The following PTPRT variants were observed in gnomAD, a reference collection of about 807,000 sequenced individuals.
PTPRT encodes protein tyrosine phosphatase receptor type T, also known as receptor-type tyrosine-protein phosphatase T.
A neutral mutation model predicts 176.8 loss-of-function variants in PTPRT; 56 were observed. That is an observed-to-expected ratio of 0.32 (90% confidence interval 0.26 to 0.40). The LOEUF is 0.40. Ranked by LOEUF, PTPRT falls within the 10% of genes least tolerant of loss-of-function variation. The pLI, the probability that PTPRT is intolerant of heterozygous loss-of-function variation, is 1.00. For synonymous variants in PTPRT, 783 were observed against 739.0 expected, an observed-to-expected ratio of 1.06 and a Z score of -0.96; for missense variants, 1,540 against 1,908.2, an observed-to-expected ratio of 0.81 and a Z score of 3.60.
chr20:42,686,753 A>C (rs994351626), intron 6 of PTPRT, among the ~76,000 whole-genome samples: 3 of 151,712 alleles, frequency 2.0e-5, no homozygotes, highest in African/African-American at 7.3e-5. Flanking sequence ...CAGTGTCCCA[A>C]AGTGCTGGGA....
intron 7 of PTPRT, among the ~76,000 whole-genome samples, chr20:42,520,401 G>A (rs977268919): frequency 4.6e-5 from 7 of 152,060 alleles, no homozygotes; most frequent in Non-Finnish European, 1.5e-5. Flanking sequence ...CCAGTATCAT[G>A]ACTTTTATAA....
intron 18 of PTPRT, among the ~76,000 whole-genome samples, chr20:42,132,932 T>A (rs1317083413): frequency 6.6e-6 from 1 of 152,036 alleles, no homozygotes; most frequent in Non-Finnish European, 1.5e-5. Flanking sequence ...TGTCCTTCAA[T>A]AGGTGAATGG....
chr20:42,354,573 T>A (rs922564108), intron 9 of PTPRT, among the ~76,000 whole-genome samples: 1 of 152,222 alleles, frequency 6.6e-6, no homozygotes, highest in Non-Finnish European at 1.5e-5. Context: ...TACTCCTGTG[T>A]TCTAGGCCCT....
intron 8 of PTPRT, among the ~76,000 whole-genome samples, chr20:42,466,636 A>G (rs1270870960): frequency 6.6e-6 from 1 of 152,218 alleles, no homozygotes; most frequent in Non-Finnish European, 1.5e-5. Context: ...TTCTCACTGC[A>G]GGAGAAGGAA....
At chr20:42,336,444 A>G (rs2058041041) in intron 11 of PTPRT, among the ~76,000 whole-genome samples, 1 of 152,156 alleles carries the variant, frequency 6.6e-6, no homozygotes, top group South Asian at 2.1e-4. Context: ...GGGGGGTTGT[A>G]AATGGTGGTG....
rs566579504 is a variant in PTPRT, at chr20:42,108,939, T to C, written c.3254+1394A>G. On this transcript the variant is annotated intron_variant, in intron 23 of 30. Coordinates refer to ENST00000373187, the MANE Select transcript of PTPRT (RefSeq NM_007050.6). ...CCTGATGATAAACAAACATTTGCCA[T>C]TGTCTTTCTTTCTTTCTCCCTAACC... Among the ~76,000 whole-genome samples, 6 of 152,304 alleles carry C rather than the reference T, an allele frequency of 3.9e-5. No individual in the cohort carries two copies. The South Asian group carries it at 1.2e-3, about 32-fold the overall frequency.
intron 17 of PTPRT, among the ~76,000 whole-genome samples, chr20:42,157,052 T>G (rs1297850196): frequency 6.6e-6 from 1 of 152,142 alleles, no homozygotes; most frequent in Non-Finnish European, 1.5e-5. Context: ...TCCAGTCGAA[T>G]CTCCTATTAC....
At chr20:42,552,336 C>G (rs747637597) in intron 7 of PTPRT, among the ~76,000 whole-genome samples, 35 of 152,050 alleles carry the variant, frequency 2.3e-4, no homozygotes, top group Non-Finnish European at 4.7e-4. Flanking sequence ...CAGAAGCAAA[C>G]ACAAACATAA....
At chr20:42,158,602 G>A (rs1989456539) in intron 17 of PTPRT, among the ~76,000 whole-genome samples, 1 of 152,152 alleles carries the variant, frequency 6.6e-6, no homozygotes, top group South Asian at 2.1e-4. Context: ...TGACTCCTAT[G>A]CTCAGGAGGA....
intron 7 of PTPRT, among the ~76,000 whole-genome samples, chr20:42,609,992 A>G (rs1019396165): frequency 3.3e-5 from 5 of 152,228 alleles, no homozygotes; most frequent in South Asian, 2.1e-4. Context: ...CAAGCATCCA[A>G]CCTCAACAGA....
chr20:42,779,284 C>T (rs759174140), intron 4 of PTPRT, among the ~76,000 whole-genome samples: 1 of 152,210 alleles, frequency 6.6e-6, no homozygotes, highest in Non-Finnish European at 1.5e-5. Flanking sequence ...CCCATGATGT[C>T]TCTTGAGGCA....
At chr20:42,816,135 T>C (rs998073952) in intron 2 of PTPRT, among the ~76,000 whole-genome samples, 1 of 152,152 alleles carries the variant, frequency 6.6e-6, no homozygotes, top group African/African-American at 2.4e-5. Context: ...ATGATTAATA[T>C]TCAGTGAAGA....
intron 6 of PTPRT, among the ~76,000 whole-genome samples, chr20:42,692,286 T>C (rs947608818): frequency 2.0e-5 from 3 of 152,190 alleles, no homozygotes; most frequent in Non-Finnish European, 4.4e-5. Flanking sequence ...ACACGTAAAC[T>C]AAAATCCTAC....
intron 5 of PTPRT, among the ~76,000 whole-genome samples, chr20:42,759,403 C>A (rs148900347): frequency 6.6e-6 from 1 of 152,202 alleles, no homozygotes; most frequent in African/African-American, 2.4e-5. Flanking sequence ...TGGTGGCTCA[C>A]GCCTGTAATC....
chr20:43,114,831 A>T (rs1219822089), intron 1 of PTPRT, among the ~76,000 whole-genome samples: 1 of 152,198 alleles, frequency 6.6e-6, no homozygotes, highest in Non-Finnish European at 1.5e-5. Context: ...TAAACACAGG[A>T]CCTTGAAAAA....
intron 6 of PTPRT, chr20:42,686,289 A>C (rs1340226436): frequency 6.6e-6 from 1 of 151,586 alleles, no homozygotes; most frequent in Non-Finnish European, 1.5e-5. Flanking sequence ...AGGTGTTACC[A>C]CTCCCAGGAG....
rs114018445 is a variant in PTPRT at position 42,482,330 on chromosome 20, T to C, written c.1154-9768A>G. On this transcript the variant is annotated intron_variant, in intron 7 of 30. Transcript: ENST00000373187. ...ACCACACATGCACACCCCATAGTGATGTGCTAGGCCAGTCTGGGTGTTACA... is the reference window on the plus strand; with the variant it reads ...ACCACACATGCACACCCCATAGTGACGTGCTAGGCCAGTCTGGGTGTTACA... 5.2e-3 allele frequency among the ~76,000 whole-genome samples: 795 copies of C among 152,274 alleles called. 12 individuals are homozygous for C. The highest frequency in any genetic ancestry group is 0.018 in the African/African-American group (765 of 41,556).
intron 1 of PTPRT, among the ~76,000 whole-genome samples, chr20:43,036,976 A>G (rs996285689): frequency 7.2e-5 from 11 of 152,264 alleles, no homozygotes; most frequent in African/African-American, 2.7e-4. Flanking sequence ...TTCATATAAT[A>G]GCTGGTTCTT....
chr20:42,053,000 T>G, the PTPRT span, among the ~76,000 whole-genome samples: 1 of 152,230 alleles, frequency 6.6e-6, no homozygotes, highest in African/African-American at 2.4e-5. Flanking sequence ...ATGCGTCAAC[T>G]CTGCCATAGA....
Sources: gnomAD v4.1 joint callset for allele counts (sites outside exome capture counted in the v4.1 genomes callset) on GRCh38, gnomAD v4.1.1 for gene constraint, MANE v1.5 for transcripts, NCBI Gene and HGNC (gene_info 2026-07-23, HGNC 2026-07-21) for gene names.